RGL4: variants seen among roughly 807,000 people sequenced by gnomAD.
The protein encoded by RGL4 is ral-GDS-related protein.
RGL4 carries 41 observed loss-of-function variants against 49.6 expected under a neutral mutation model. The ratio of observed to expected loss-of-function variants is 0.83; its 90% CI spans 0.64 to 1.07. RGL4 has a LOEUF of 1.07. Among genes scored for constraint, RGL4 ranks in the 50% least tolerant of loss-of-function variants. RGL4 has a pLI of 0.00. For missense variants in RGL4, 610 were observed against 591.9 expected, an observed-to-expected ratio of 1.03 and a Z score of -0.32; for synonymous variants, 255 against 238.0, an observed-to-expected ratio of 1.07 and a Z score of -0.66.
chr22:23,698,049 G>A (rs1923625548), intron 9 of RGL4, 163 bp from the exon 10 acceptor site: 1 of 1,175,636 alleles, frequency 8.5e-7, no homozygotes, highest in South Asian at 1.4e-5. Flanking sequence ...ACCAATTCCT[G>A]CAGGAGGGGC....
chr22:23,698,356 G>T lies in RGL4; in HGVS notation c.1382+23G>T, dbSNP rs765412708. On this transcript the variant is annotated intron_variant, in intron 10 of 10. Coordinates refer to ENST00000290691, the MANE Select transcript of RGL4 (RefSeq NM_153615.2). ...GAGGTGAGGGCCTAGCCCATGGGCT[G>T]AGGGTGGGAGAAGGCTCTCCATTTT... 7.6e-6 allele frequency: 12 copies of T among 1,587,312 alleles called. No individual in the cohort carries two copies. The South Asian group carries it at 1.3e-4, about 18-fold the overall frequency.
Position 23,693,913 on chromosome 22 carries a change from A to T in RGL4, c.851A>T (p.Asp284Val). The change falls in exon 4 of 11, where the codon GAC (aspartate) becomes GTC (valine). Residue 284 changes from aspartate (D) to valine (V), a missense_variant. By Grantham distance (152) the Asp-to-Val change is radical. Coordinates refer to ENST00000290691, the MANE Select transcript of RGL4 (RefSeq NM_153615.2). ...TGCATCACCACCTCCTGCCTCGGGG[A>T]CCACAGCATGAGGGCCCGGGACAGG... Reference protein sequence around the residue: ...TNCITTSCLGDHSMRARDRAR... With the variant: ...TNCITTSCLGVHSMRARDRAR... 1 of 1,613,878 alleles carries T rather than the reference A, an allele frequency of 6.2e-7. No homozygotes were observed. Among genetic ancestry groups the T allele is most frequent in the Non-Finnish European group, 8.5e-7 (1 of 1,180,018 alleles).
Position 23,692,123 on chromosome 22 carries a change from C to T in RGL4, c.93C>T (p.Val31=), listed in dbSNP as rs368968407. The T allele has an allele frequency of 3.1e-6, 5 of 1,614,056 alleles. No individual in the cohort carries two copies. Among genetic ancestry groups the T allele is most frequent in the Non-Finnish European group, 4.2e-6 (5 of 1,180,016 alleles). Residue 31 remains valine (V), a synonymous_variant, in exon 1 of 11, where the codon GTC becomes GTT. Transcript: ENST00000290691. The stretch of plus-strand genomic sequence containing the variant: ...TCCAGGGCCTTTGGGAAGAGAATGT[C>T]TGTGGGACGCCAGGGCGCACGAGGG... ...AVLQGLWEEN[V]CGTPGRTRVC...
chr22:23,697,179 C>A lies in RGL4; in HGVS notation c.1170C>A (p.Val390=), dbSNP rs369204408. 1 of 1,612,390 alleles carries A rather than the reference C, an allele frequency of 6.2e-7. No individual in the cohort carries two copies. The highest frequency in any genetic ancestry group is 1.1e-5 in the South Asian group (1 of 90,966). ...MRLRRQKKGV[V]PFLGDFLTEL... The stretch of plus-strand genomic sequence containing the variant: ...ACCCCTCCTTGGCACAGGGTGTGGT[C>A]CCCTTCCTGGGGGATTTTCTGACTG... Residue 390 remains valine (V), a synonymous_variant, in exon 8 of 11, where the codon GTC becomes GTA. Transcript: ENST00000290691.
chr22:23,697,852 G>C lies in RGL4; in HGVS notation c.1251G>C (p.Lys417Asn), dbSNP rs1422614324. 1 of 1,607,370 alleles carries C rather than the reference G, an allele frequency of 6.2e-7. No homozygotes were observed. The highest frequency in any genetic ancestry group is 8.5e-7 in the Non-Finnish European group (1 of 1,177,714). The change falls in exon 9 of 11, where the codon AAG becomes AAC. Residue 417 changes from lysine to asparagine, a missense_variant. Lys to Asn is a moderately conservative substitution (Grantham distance 94). Coordinates refer to ENST00000290691, the MANE Select transcript of RGL4 (RefSeq NM_153615.2). ...CTGCCTTCCAGGGCAACACCAACAA[G>C]AGGAGCAAGGTGAGCAGCTGGGGCA... Reference protein sequence around the residue: ...IPDDLDGNTNKRSKEVRVLQE... With the variant: ...IPDDLDGNTNNRSKEVRVLQE...
rs1372354458 is a variant in RGL4 at position 23,691,549 on chromosome 22, G to A, written c.-482G>A. ...CCGGCCTTGATTCTACTCAGAGTCAGGCACTCACAGTAGACAGAATAAACA... is the reference window on the plus strand; with the variant it reads ...CCGGCCTTGATTCTACTCAGAGTCAAGCACTCACAGTAGACAGAATAAACA... On this transcript the variant is annotated 5_prime_UTR_variant, in exon 1 of 11. Transcript: ENST00000290691. 1 of 155,928 alleles carries A rather than the reference G, an allele frequency of 6.4e-6. No individual in the cohort carries two copies. The highest frequency in any genetic ancestry group is 2.4e-5 in the African/African-American group (1 of 41,504). The allele number at this position is 155,928 out of a possible 1,614,324, so 9.7% of individuals were successfully genotyped here.
At chr22:23,697,547 G>A (rs1923588459) in intron 8 of RGL4, among the ~76,000 whole-genome samples, 1 of 152,164 alleles carries the variant, frequency 6.6e-6, no homozygotes, top group Admixed American at 6.5e-5. Context: ...TAATAGGAGG[G>A]TGAAATTGAG....
At chr22:23,696,316 G>A in intron 6 of RGL4, 2 of 1,327,124 alleles carry the variant, frequency 1.5e-6, no homozygotes, top group Non-Finnish European at 2.0e-6. Context: ...CTCGTGCCTG[G>A]TTCTTCCTCA....
intron 3 of RGL4, 113 bp downstream of exon 3, chr22:23,693,104 C>T (rs1311165737): frequency 4.2e-6 from 6 of 1,439,942 alleles, no homozygotes; most frequent in Non-Finnish European, 5.5e-6. Context: ...TTCTTACCAA[C>T]CGTGGGATCT....
Position 23,691,406 on chromosome 22 carries a change from T to C in RGL4, c.-625T>C, listed in dbSNP as rs1923130825. The C allele has an allele frequency of 1.3e-5, 2 of 152,258 alleles. No homozygotes were observed. Among genetic ancestry groups the C allele is most frequent in the African/African-American group, 2.4e-5 (1 of 41,436 alleles). 9.4% of individuals were successfully genotyped at this position (152,258 alleles called of 1,614,324 possible). On this transcript the variant is annotated 5_prime_UTR_variant, in exon 1 of 11. Transcript: ENST00000290691. ...CACTCAGACATCTGGAGAGGCTCACTGGGGTTCTCCAAAGGTTGGGGTTCA... is the reference window on the plus strand; with the variant it reads ...CACTCAGACATCTGGAGAGGCTCACCGGGGTTCTCCAAAGGTTGGGGTTCA...
chr22:23,697,922 TGGGCA>T (rs1375746008), intron 9 of RGL4, 61 bp downstream of exon 9: 2 of 1,556,030 alleles, frequency 1.3e-6, no homozygotes, highest in African/African-American at 2.7e-5. Context: ...CAGTCCACCC[TGGGCA>T]GGACACTCCC....
intron 3 of RGL4, chr22:23,693,324 T>C (rs185459630): frequency 8.9e-6 from 4 of 449,116 alleles, no homozygotes; most frequent in African/African-American, 2.0e-5. Flanking sequence ...TCAGCACTTA[T>C]TAGGTACCTG....
In RGL4 at chr22:23,691,862, G is replaced by A. The variant is rs1325878402; in HGVS notation, c.-169G>A. The A allele has an allele frequency of 3.3e-6, 2 of 611,884 alleles. No individual in the cohort carries two copies. The highest frequency in any genetic ancestry group is 5.6e-6 in the Non-Finnish European group (2 of 355,056). The allele number at this position is 611,884 out of a possible 1,614,324, so 37.9% of individuals were successfully genotyped here. Reference sequence around the variant, plus strand: ...AGGCAAATAGTGAGTTCTGTAAATGGAGACTTAGGTCCCCTGCAAAGCAGA... The same window carrying A: ...AGGCAAATAGTGAGTTCTGTAAATGAAGACTTAGGTCCCCTGCAAAGCAGA... On this transcript the variant is annotated 5_prime_UTR_variant, in exon 1 of 11. Coordinates refer to ENST00000290691, the MANE Select transcript of RGL4 (RefSeq NM_153615.2).
intron 10 of RGL4, chr22:23,698,534 G>A (rs777557711): frequency 1.4e-6 from 1 of 733,210 alleles, no homozygotes. Flanking sequence ...CGGTTGTTCT[G>A]CTGTTGTTGT....
intron 7 of RGL4, 50 bp downstream of exon 7, chr22:23,696,738 C>A (rs765552391): frequency 6.6e-7 from 1 of 1,520,724 alleles, no homozygotes; most frequent in Admixed American, 1.8e-5. Context: ...GAGGACAGGG[C>A]TCCCTTCCCC....
At chr22:23,694,217 C>G in intron 4 of RGL4, 130 bp from the exon 5 acceptor site, 2 of 791,388 alleles carry the variant, frequency 2.5e-6, no homozygotes, top group South Asian at 3.1e-5. Context: ...CCACTCGGCC[C>G]CAGGTCTGCC....
In RGL4 at chr22:23,692,675, C is replaced by T. The variant is rs1923212833; in HGVS notation, c.380C>T (p.Ala127Val). 6.3e-7 allele frequency: 1 copy of T among 1,593,918 alleles called. No individual in the cohort carries two copies. The highest frequency in any genetic ancestry group is 8.6e-7 in the Non-Finnish European group (1 of 1,167,156). ...ACCTTTTCTCCTTTTCCAGATCCTG[C>T]TCCACGTCCTGGGCAACACGCATTA... is the stretch of plus-strand genomic sequence containing the variant. ...EPNEAKPDDP[A>V]PRPGQHALTM... is the part of the protein sequence containing the mutation. The change falls in exon 3 of 11, where the codon GCT becomes GTT. Residue 127 changes from alanine (A) to valine (V), a missense_variant. Transcript: ENST00000290691.
chr22:23,695,510 G>T, intron 6 of RGL4: 1 of 507,252 alleles, frequency 2.0e-6, no homozygotes, highest in South Asian at 1.5e-5. Context: ...AGGGGGCCTT[G>T]GCCTGCACTG....
At chr22:23,698,107 C>G in intron 9 of RGL4, 105 bp from the exon 10 acceptor site, 1 of 1,456,610 alleles carries the variant, frequency 6.9e-7, no homozygotes, top group Non-Finnish European at 9.3e-7. Flanking sequence ...GCATGGGACC[C>G]CTTCAGAAAA....
Sources: allele counts gnomAD v4.1 joint callset (sites outside exome capture counted in the v4.1 genomes callset), GRCh38; gene constraint gnomAD v4.1.1; transcripts MANE v1.5; gene names NCBI Gene and HGNC (gene_info 2026-07-23, HGNC 2026-07-21).